The following BPTF variants were observed in gnomAD, a reference collection of about 807,000 sequenced individuals.
The protein encoded by BPTF is bromodomain PHD finger transcription factor.
In BPTF, 18 loss-of-function variants were observed where a neutral mutation model predicts 292.5. The ratio of observed to expected loss-of-function variants is 0.06; its 90% CI spans 0.04 to 0.09. The LOEUF (loss-of-function observed/expected upper bound fraction) is 0.09. Ranked by LOEUF, BPTF falls within the 10% of genes least tolerant of loss-of-function variation. The pLI is 1.00. For synonymous variants in BPTF, 1,225 were observed against 1,251.9 expected (o/e 0.98, Z 0.45); for missense variants, 2,726 against 3,498.7 (o/e 0.78, Z 5.57).
chr17:67,962,677 A>G (rs1427962698), intron 24 of BPTF, among the ~76,000 whole-genome samples: 2 of 152,250 alleles, frequency 1.3e-5, no homozygotes, highest in Non-Finnish European at 1.5e-5. Flanking sequence ...CCCGTGCCAT[A>G]TTCCATTATG....
rs2062018157 is a variant in BPTF at position 67,904,020 on chromosome 17, T to A, written c.2673+102T>A. The A allele has an allele frequency of 1.9e-5, 19 of 1,003,502 alleles. No homozygotes were observed. The South Asian group carries it at 3.2e-4, about 17-fold the overall frequency. The allele number at this position is 1,003,502 out of a possible 1,614,324, so 62.2% of individuals were successfully genotyped here. On this transcript the variant is annotated intron_variant, in intron 8 of 27. Transcript: ENST00000306378. Reference sequence around the variant, plus strand: ...AATTTTATTTTTGACATAGTCTTTGTATTTTATTTATTTATTTATTTATTT... The same window carrying A: ...AATTTTATTTTTGACATAGTCTTTGAATTTTATTTATTTATTTATTTATTT...
intron 27 of BPTF, among the ~76,000 whole-genome samples, chr17:67,977,510 A>G (rs554206715): frequency 6.6e-6 from 1 of 150,728 alleles, no homozygotes; most frequent in East Asian, 1.9e-4. Flanking sequence ...GTGAGACTCC[A>G]TCTCAGAAGA....
At chr17:67,830,679 A>T (rs1446100114) in intron 1 of BPTF, among the ~76,000 whole-genome samples, 1 of 152,158 alleles carries the variant, frequency 6.6e-6, no homozygotes, top group African/African-American at 2.4e-5. Flanking sequence ...CACTGATAGT[A>T]AAGTGTGGGC....
At chr17:67,826,570 T>TCC (rs1277635690) in intron 1 of BPTF, among the ~76,000 whole-genome samples, 9 of 134,166 alleles carry the variant, frequency 6.7e-5, no homozygotes, top group Non-Finnish European at 1.1e-4. Context: ...CCACACTCGC[T>TCC]CGCTCTCTCT....
intron 18 of BPTF, among the ~76,000 whole-genome samples, chr17:67,935,818 G>A (rs908784139): frequency 7.9e-5 from 12 of 152,114 alleles, no homozygotes; most frequent in African/African-American, 2.9e-4. Flanking sequence ...TTGCGCCACT[G>A]CACTCCAGAC....
chr17:67,924,155 A>G (rs1300968169), intron 14 of BPTF, among the ~76,000 whole-genome samples: 1 of 151,898 alleles, frequency 6.6e-6, no homozygotes, highest in Non-Finnish European at 1.5e-5. Context: ...ATTTTTTTGT[A>G]TTTTTAGTAG....
At chr17:67,967,674 C>T (rs12939100) in intron 26 of BPTF, among the ~76,000 whole-genome samples, 133,970 of 151,918 alleles carry the variant, frequency 0.88, 61,496 homozygotes, top group East Asian at 1. Flanking sequence ...GAAAAATTAG[C>T]CAGTTGTGGT....
chr17:67,972,326 C>G (rs1555691395), intron 26 of BPTF, among the ~76,000 whole-genome samples: 2 of 152,088 alleles, frequency 1.3e-5, no homozygotes, highest in Admixed American at 6.6e-5. Context: ...ACCTCTGCCA[C>G]CCGGGTTCAA....
Position 67,931,899 on chromosome 17 carries a change from T to C in BPTF, c.6151-12T>C. 1 of 1,590,540 alleles carries C rather than the reference T, an allele frequency of 6.3e-7. No individual in the cohort carries two copies. The highest frequency in any genetic ancestry group is 8.6e-7 in the Non-Finnish European group (1 of 1,161,824). On this transcript the variant is annotated splice_polypyrimidine_tract_variant and intron_variant, in intron 17 of 27. Coordinates refer to ENST00000306378, the MANE Select transcript of BPTF (RefSeq NM_182641.4). ...AAGCATTTTAATTCATTGTTCTTTG[T>C]GTCATTTATAGGTAATCACAGGGCC...
chr17:67,838,365 A>G (rs2144229470), intron 1 of BPTF, among the ~76,000 whole-genome samples: 1 of 152,208 alleles, frequency 6.6e-6, no homozygotes, highest in Non-Finnish European at 1.5e-5. Context: ...TTTAAATTTT[A>G]TTTTTGCTTC....
intron 1 of BPTF, among the ~76,000 whole-genome samples, chr17:67,837,919 G>T (rs1255725062): frequency 6.6e-6 from 1 of 152,226 alleles, no homozygotes; most frequent in Non-Finnish European, 1.5e-5. Flanking sequence ...GTGGTGGAAA[G>T]TACCATGGAA....
intron 23 of BPTF, among the ~76,000 whole-genome samples, chr17:67,957,450 C>T (rs2067066611): frequency 6.6e-6 from 1 of 152,048 alleles, no homozygotes; most frequent in Non-Finnish European, 1.5e-5. Flanking sequence ...ACCTGTAATC[C>T]AAGCACTTTG....
chr17:67,950,071 AAC>A (rs1491068220), intron 23 of BPTF, among the ~76,000 whole-genome samples: 15 of 150,708 alleles, frequency 1.0e-4, no homozygotes, highest in African/African-American at 3.7e-4. Context: ...AAAAAAAAAA[AAC>A]ATTTCATAAC....
chr17:67,881,651 G>A (rs534738442), intron 4 of BPTF, among the ~76,000 whole-genome samples: 5 of 151,028 alleles, frequency 3.3e-5, no homozygotes, highest in East Asian at 2.0e-4. Context: ...CTATAGACGC[G>A]CGCCACCACA....
intron 2 of BPTF, among the ~76,000 whole-genome samples, chr17:67,864,794 CTTAT>C (rs1459102849): frequency 6.6e-6 from 1 of 151,742 alleles, no homozygotes; most frequent in East Asian, 1.9e-4. Flanking sequence ...TTGATCATTC[CTTAT>C]TTATTTATTT....
intron 1 of BPTF, among the ~76,000 whole-genome samples, chr17:67,831,234 T>G (rs2056643504): frequency 6.6e-6 from 1 of 152,156 alleles, no homozygotes; most frequent in South Asian, 2.1e-4. Flanking sequence ...CACATAGATG[T>G]GTAGAGAGAG....
At chr17:67,865,207 A>G (rs1173731004) in intron 2 of BPTF, among the ~76,000 whole-genome samples, 2 of 152,118 alleles carry the variant, frequency 1.3e-5, no homozygotes, top group Non-Finnish European at 2.9e-5. Flanking sequence ...AGCATTTTGG[A>G]TTTCAGATTT....
chr17:67,836,787 TTCAG>T (rs1229527004), intron 1 of BPTF, among the ~76,000 whole-genome samples: 1 of 152,242 alleles, frequency 6.6e-6, no homozygotes, highest in Non-Finnish European at 1.5e-5. Flanking sequence ...TAAAGTCTTA[TTCAG>T]TAAGTTACTC....
At chr17:67,929,066 C>T (rs1342971940) in intron 16 of BPTF, 5 of 1,270,886 alleles carry the variant, frequency 3.9e-6, no homozygotes, top group Non-Finnish European at 2.0e-6. Context: ...TACCAAACTG[C>T]CACTTCCTGC....
Sources: allele counts gnomAD v4.1 joint callset (sites outside exome capture counted in the v4.1 genomes callset), GRCh38; gene constraint gnomAD v4.1.1; transcripts MANE v1.5; gene names NCBI Gene and HGNC (gene_info 2026-07-23, HGNC 2026-07-21).